The following ROR2 variants were observed in gnomAD, a reference collection of about 807,000 sequenced individuals.
The protein encoded by ROR2 is ROR family WNT receptor 2.
ROR2 carries 33 observed loss-of-function variants against 74.9 expected under a neutral mutation model. That is an observed-to-expected ratio of 0.44 (90% CI 0.33 to 0.59). The LOEUF (loss-of-function observed/expected upper bound fraction) is 0.59, where lower values mean the gene tolerates loss of function less well. ROR2 is among the 20% of genes least tolerant of loss of function. ROR2 has a pLI of 0.02. For missense variants in ROR2, 1,216 were observed against 1,313.8 expected (o/e 0.93, Z 1.15); for synonymous variants, 586 against 558.7 (o/e 1.05, Z -0.69).
intron 4 of ROR2, among the ~76,000 whole-genome samples, chr9:91,753,459 A>C (rs1004791035): frequency 3.3e-5 from 5 of 152,220 alleles, no homozygotes; most frequent in Non-Finnish European, 1.5e-5. Context: ...ATGGAAGATA[A>C]GGAGAAATGG....
chr9:91,871,910 G>A, intron 1 of ROR2, among the ~76,000 whole-genome samples: 1 of 152,126 alleles, frequency 6.6e-6, no homozygotes. Flanking sequence ...GCCCAGTTGA[G>A]CCTTCAGATG....
At chr9:91,850,649 G>C (rs1340759364) in intron 1 of ROR2, among the ~76,000 whole-genome samples, 1 of 152,204 alleles carries the variant, frequency 6.6e-6, no homozygotes, top group Non-Finnish European at 1.5e-5. Flanking sequence ...CTGCAGAACT[G>C]TAAGGGGATA....
rs1836846187 is a variant in ROR2 at position 91,722,789 on chromosome 9, A to T, written c.*873T>A. On this transcript the variant is annotated 3_prime_UTR_variant, in exon 9 of 9. Transcript: ENST00000375708. ...ACTGGATCCCAACGTGGGTAACATA[A>T]ACAGTTAAATTACTAAAGTCATCTT... The T allele has an allele frequency of 1.3e-5, 8 of 595,172 alleles. No homozygotes were observed. The South Asian group carries it at 1.4e-4, about 11-fold the overall frequency. The allele number at this position is 595,172 out of a possible 1,614,324, so 36.9% of individuals were successfully genotyped here.
At chr9:91,884,564 G>C (rs1209911780) in intron 1 of ROR2, among the ~76,000 whole-genome samples, 1 of 151,296 alleles carries the variant, frequency 6.6e-6, no homozygotes, top group African/African-American at 2.4e-5. Flanking sequence ...GGTTTTCTAA[G>C]ATAATTTTTA....
At chr9:91,930,437 GA>G (rs1426494497) in intron 1 of ROR2, among the ~76,000 whole-genome samples, 4 of 151,914 alleles carry the variant, frequency 2.6e-5, no homozygotes, top group Non-Finnish European at 4.4e-5. Context: ...ATAGGAGAAG[GA>G]AACAGAAACA....
rs1180848542 is a variant in ROR2, at chr9:91,733,331, G to A, written c.728C>T (p.Ser243Phe). The change falls in exon 6 of 9, where the codon TCC becomes TTC. Residue 243 changes from serine to phenylalanine, a missense_variant. By Grantham distance (155) the Ser-to-Phe change is radical. Coordinates refer to ENST00000375708, the MANE Select transcript of ROR2 (RefSeq NM_004560.4). The surrounding 1 kb of genome is among the most constrained non-coding windows in gnomAD (Gnocchi z 5.7). ...HFVFPLCDAR[S>F]RTPKPRELCR... Reference sequence around the variant, plus strand: ...CAGCTCACGCGGCTTGGGTGTCCGGGAGCGCGCGTCGCACAGAGGAAACAC... The same window carrying A: ...CAGCTCACGCGGCTTGGGTGTCCGGAAGCGCGCGTCGCACAGAGGAAACAC... The A allele has an allele frequency of 6.2e-7, 1 of 1,612,478 alleles. No homozygotes were observed.
At chr9:91,824,782 G>A (rs901183239) in intron 1 of ROR2, among the ~76,000 whole-genome samples, 2 of 152,138 alleles carry the variant, frequency 1.3e-5, no homozygotes, top group African/African-American at 2.4e-5. Flanking sequence ...CATGGAATCC[G>A]TCCCCACGCT....
At chr9:91,738,040 G>A (rs1825097551) in intron 4 of ROR2, among the ~76,000 whole-genome samples, 1 of 152,174 alleles carries the variant, frequency 6.6e-6, no homozygotes, top group South Asian at 2.1e-4. Context: ...TGGGGTTTTA[G>A]GGCAGTGAAA....
In ROR2 at chr9:91,911,484, G is replaced by C. The variant is rs1377107043; in HGVS notation, c.97+38383C>G. Reference sequence around the variant, plus strand: ...GTATGAGACCACCATTGTATATGTGGTCTGCTGTTGACCGAAACATTACGT... The same window carrying C: ...GTATGAGACCACCATTGTATATGTGCTCTGCTGTTGACCGAAACATTACGT... On this transcript the variant is annotated intron_variant, in intron 1 of 8. Coordinates refer to ENST00000375708, the MANE Select transcript of ROR2 (RefSeq NM_004560.4). Among the ~76,000 whole-genome samples, 3 of 151,208 alleles carry C rather than the reference G, an allele frequency of 2.0e-5. 1 individual carries two copies. Among genetic ancestry groups the C allele is most frequent in the African/African-American group, 7.4e-5 (3 of 40,694 alleles).
At chr9:91,900,379 C>G (rs1296051585) in intron 1 of ROR2, among the ~76,000 whole-genome samples, 1 of 152,256 alleles carries the variant, frequency 6.6e-6, no homozygotes, top group African/African-American at 2.4e-5. Context: ...AGAGGCACAG[C>G]AGGCAGCCGA....
At chr9:91,929,195 A>G (rs1020671065) in intron 1 of ROR2, among the ~76,000 whole-genome samples, 4 of 152,232 alleles carry the variant, frequency 2.6e-5, no homozygotes, top group African/African-American at 7.2e-5. Flanking sequence ...TTTGAGAAAC[A>G]CTATGTTAGA....
At chr9:91,845,877 C>CAAAAAAAAAAAAAAAAAAAAAAA (rs5899143) in intron 1 of ROR2, among the ~76,000 whole-genome samples, 2 of 33,874 alleles carry the variant, frequency 5.9e-5, no homozygotes, top group African/African-American at 7.3e-5. Flanking sequence ...GAATCCATCT[C>CAAAAAAAAAAAAAAAAAAAAAAA]AAAAAAAAAA....
At chr9:91,779,702 C>T (rs1362704804) in intron 1 of ROR2, among the ~76,000 whole-genome samples, 2 of 152,186 alleles carry the variant, frequency 1.3e-5, no homozygotes, top group Non-Finnish European at 2.9e-5. Flanking sequence ...CTTAATGATG[C>T]AATCCCTGGT....
At chr9:91,837,724 A>C (rs1250451478) in intron 1 of ROR2, among the ~76,000 whole-genome samples, 3 of 152,240 alleles carry the variant, frequency 2.0e-5, no homozygotes, top group Non-Finnish European at 2.9e-5. Context: ...CCACTTGTGC[A>C]TAAGAAAATT....
intron 1 of ROR2, among the ~76,000 whole-genome samples, chr9:91,899,695 C>T (rs137939023): frequency 2.0e-5 from 3 of 152,192 alleles, no homozygotes; most frequent in East Asian, 3.9e-4. Flanking sequence ...CTCTGCCTGA[C>T]ACCTCAACCC....
chr9:91,756,346 T>C (rs1273024047), intron 3 of ROR2, among the ~76,000 whole-genome samples: 1 of 152,214 alleles, frequency 6.6e-6, no homozygotes, highest in African/African-American at 2.4e-5. Flanking sequence ...CTCTCTCTCT[T>C]CTCATCTAGT....
At chr9:91,745,592 A>ATT (rs1825386822) in intron 4 of ROR2, among the ~76,000 whole-genome samples, 1 of 151,032 alleles carries the variant, frequency 6.6e-6, no homozygotes, top group African/African-American at 2.4e-5. Flanking sequence ...CACCTGGCTA[A>ATT]TTTTTCTATT....
intron 1 of ROR2, among the ~76,000 whole-genome samples, chr9:91,907,358 C>G (rs955232939): frequency 1.6e-4 from 24 of 152,108 alleles, no homozygotes; most frequent in African/African-American, 5.8e-4. Context: ...CAAATGGACA[C>G]AGCTGTGTCC....
intron 4 of ROR2, among the ~76,000 whole-genome samples, chr9:91,747,113 G>T (rs1825446220): frequency 2.0e-5 from 3 of 152,194 alleles, no homozygotes; most frequent in African/African-American, 7.2e-5. Context: ...ATATGAGACA[G>T]GCAGCCTAGC....
Sources: gnomAD v4.1 joint callset for allele counts (sites outside exome capture counted in the v4.1 genomes callset) on GRCh38, gnomAD v4.1.1 for gene constraint, Gnocchi (gnomAD v3.1) non-coding constraint, MANE v1.5 for transcripts, NCBI Gene and HGNC (gene_info 2026-07-23, HGNC 2026-07-21) for gene names.